The following RAP1GDS1 variants were observed in gnomAD, a reference collection of about 807,000 sequenced individuals.
RAP1GDS1 encodes the protein Rap1 GTPase-GDP dissociation stimulator 1, also known as RAP1, GTP-GDP dissociation stimulator 1.
Under a neutral mutation model 71.1 loss-of-function variants are expected in RAP1GDS1, and 35 were observed. That is an observed-to-expected ratio of 0.49 (90% confidence interval 0.38 to 0.65). RAP1GDS1 has a LOEUF of 0.65. Ranked by LOEUF, RAP1GDS1 falls within the 30% of genes least tolerant of loss-of-function variation. The pLI, the probability that RAP1GDS1 is intolerant of heterozygous loss-of-function variation, is 0.00. For missense variants in RAP1GDS1, 663 were observed against 706.1 expected (o/e 0.94, Z 0.69); for synonymous variants, 229 against 243.1 (o/e 0.94, Z 0.54).
chr4:98,266,574 T>C (rs1384470412), intron 1 of RAP1GDS1, among the ~76,000 whole-genome samples: 1 of 152,140 alleles, frequency 6.6e-6, no homozygotes, highest in Non-Finnish European at 1.5e-5. Context: ...TTTGCAAGTC[T>C]AGGCAGGGTG....
intron 14 of RAP1GDS1, among the ~76,000 whole-genome samples, chr4:98,440,747 C>T (rs978575395): frequency 9.2e-5 from 14 of 152,044 alleles, no homozygotes; most frequent in Admixed American, 5.2e-4. Flanking sequence ...GACGGAGTTT[C>T]GCACTTGTTG....
At chr4:98,299,641 GT>G (rs1194021798) in intron 2 of RAP1GDS1, among the ~76,000 whole-genome samples, 14 of 145,080 alleles carry the variant, frequency 9.6e-5, no homozygotes, top group East Asian at 4.0e-4. Context: ...ATTTGCTTTG[GT>G]TTTTTTTTTT....
chr4:98,276,114 G>C (rs149413607), intron 1 of RAP1GDS1, among the ~76,000 whole-genome samples: 154 of 152,186 alleles, frequency 1.0e-3, no homozygotes, highest in African/African-American at 3.4e-3. Flanking sequence ...GTCTGGTCAA[G>C]GCCTGCCTCC....
intron 2 of RAP1GDS1, among the ~76,000 whole-genome samples, chr4:98,319,866 C>A (rs1731531565): frequency 1.3e-5 from 2 of 151,778 alleles, no homozygotes; most frequent in South Asian, 4.2e-4. Context: ...AAAAGTTACA[C>A]CAAGTGTGCC....
intron 12 of RAP1GDS1, among the ~76,000 whole-genome samples, chr4:98,428,808 T>A (rs1404111230): frequency 2.0e-5 from 3 of 152,112 alleles, no homozygotes; most frequent in Non-Finnish European, 2.9e-5. Flanking sequence ...TAAAAGTAGA[T>A]TTACCATTTG....
intron 2 of RAP1GDS1, among the ~76,000 whole-genome samples, chr4:98,328,100 T>C (rs896546191): frequency 2.0e-5 from 3 of 152,234 alleles, no homozygotes; most frequent in Non-Finnish European, 4.4e-5. Flanking sequence ...TGAGACCTAT[T>C]GTAACCATGT....
At chr4:98,433,811 A>T (rs1022340162) in intron 12 of RAP1GDS1, 125 bp from the exon 13 acceptor site, 2 of 838,346 alleles carry the variant, frequency 2.4e-6, no homozygotes, top group Non-Finnish European at 3.4e-6. Flanking sequence ...AAAAACTATG[A>T]TTAAATCAAA....
chr4:98,283,817 A>T (rs936337274), intron 1 of RAP1GDS1, among the ~76,000 whole-genome samples: 6 of 133,962 alleles, frequency 4.5e-5, no homozygotes, highest in African/African-American at 1.7e-4. Flanking sequence ...TTTCATTGTG[A>T]TTTTTTTTTT....
chr4:98,319,344 A>G (rs1356740112), intron 2 of RAP1GDS1, among the ~76,000 whole-genome samples: 2 of 152,154 alleles, frequency 1.3e-5, no homozygotes, highest in African/African-American at 4.8e-5. Flanking sequence ...ATTAGCATAT[A>G]TTTCTTTGAA....
intron 4 of RAP1GDS1, among the ~76,000 whole-genome samples, chr4:98,374,666 G>A (rs953447379): frequency 6.6e-6 from 1 of 152,164 alleles, no homozygotes; most frequent in Non-Finnish European, 1.5e-5. Context: ...GTCTAGTCAG[G>A]AGTCGAACTA....
rs76610163 is a variant in RAP1GDS1 at position 98,363,341 on chromosome 4, C to G, written c.361+10740C>G. ...TGTCTCTACAAAATAAAAAATGAGC[C>G]ATTATGGTGGCACGTGTCTGTAATC... On this transcript the variant is annotated intron_variant, in intron 4 of 14. Transcript: ENST00000408927. Among the ~76,000 whole-genome samples, 578 of 151,464 alleles carry G rather than the reference C, an allele frequency of 3.8e-3. 6 individuals carry two copies. The highest frequency in any genetic ancestry group is 0.013 in the African/African-American group (553 of 41,298).
At chr4:98,278,667 A>G (rs1241820138) in intron 1 of RAP1GDS1, among the ~76,000 whole-genome samples, 1 of 152,164 alleles carries the variant, frequency 6.6e-6, no homozygotes, top group African/African-American at 2.4e-5. Flanking sequence ...CTCATTTTAT[A>G]TATACCCTTA....
At chr4:98,400,403 C>T (rs975200896) in intron 6 of RAP1GDS1, among the ~76,000 whole-genome samples, 2 of 151,732 alleles carry the variant, frequency 1.3e-5, no homozygotes, top group African/African-American at 4.8e-5. Context: ...GAATGAAATC[C>T]TGTTTTCTTG....
chr4:98,368,768 CTGT>C (rs1386963612), intron 4 of RAP1GDS1, among the ~76,000 whole-genome samples: 3 of 152,100 alleles, frequency 2.0e-5, no homozygotes, highest in East Asian at 3.9e-4. Context: ...TTCTGTAGCT[CTGT>C]TGATTTTGGA....
chr4:98,407,006 C>G lies in RAP1GDS1; in HGVS notation c.763+2404C>G, dbSNP rs1746220209. On this transcript the variant is annotated intron_variant, in intron 7 of 14. Transcript: ENST00000408927. ...CCTATTCAGAGGGAAATTTTTTGCTCTAAATGCTTATATTAGAAAAGGAAA... is the reference window on the plus strand; with the variant it reads ...CCTATTCAGAGGGAAATTTTTTGCTGTAAATGCTTATATTAGAAAAGGAAA... Among the ~76,000 whole-genome samples the G allele has an allele frequency of 2.0e-5, 3 of 151,952 alleles. No individual in the cohort carries two copies. In the South Asian group the frequency reaches 6.2e-4, roughly 32 times the overall value.
chr4:98,326,972 TGAG>T (rs1182420617), intron 2 of RAP1GDS1, among the ~76,000 whole-genome samples: 6 of 152,150 alleles, frequency 3.9e-5, no homozygotes, highest in South Asian at 4.1e-4. Flanking sequence ...AGGAGAAAGT[TGAG>T]GAGATCTCAG....
chr4:98,384,796 TGTCA>T (rs1742504748), intron 5 of RAP1GDS1, among the ~76,000 whole-genome samples: 2 of 151,704 alleles, frequency 1.3e-5, no homozygotes, highest in Admixed American at 6.6e-5. Flanking sequence ...ATAGTCTTTT[TGTCA>T]GTAATTTTAG....
At chr4:98,416,991 A>G (rs917750496) in intron 8 of RAP1GDS1, 103 bp downstream of exon 8, 16 of 1,278,506 alleles carry the variant, frequency 1.3e-5, no homozygotes, top group Admixed American at 2.2e-5. Context: ...TCATATTCCT[A>G]TCTCACCTGC....
chr4:98,407,490 C>A (rs1455690506), intron 7 of RAP1GDS1, among the ~76,000 whole-genome samples: 1 of 151,618 alleles, frequency 6.6e-6, no homozygotes, highest in Non-Finnish European at 1.5e-5. Context: ...CACACACACA[C>A]AACATGGAAT....
Sources: allele counts gnomAD v4.1 joint callset (sites outside exome capture counted in the v4.1 genomes callset), GRCh38; gene constraint gnomAD v4.1.1; transcripts MANE v1.5; gene names NCBI Gene and HGNC (gene_info 2026-07-23, HGNC 2026-07-21).